The following NAV3 variants were observed in gnomAD, a reference collection of about 807,000 sequenced individuals.
The protein encoded by NAV3 is pore membrane and/or filament interacting like protein 1.
A neutral mutation model predicts 244.7 loss-of-function variants in NAV3; 87 were observed. That is an observed-to-expected ratio of 0.36 (90% CI 0.30 to 0.42). The LOEUF is 0.42. Ranked by LOEUF, NAV3 falls within the 20% of genes least tolerant of loss-of-function variation. The pLI is 1.00. For synonymous variants in NAV3, 1,126 were observed against 1,042.2 expected (o/e 1.08, Z -1.55); for missense variants, 2,663 against 2,893.3 (o/e 0.92, Z 1.83).
rs576967173 is a variant in NAV3, at chr12:77,989,274, G to A, written c.672-5529G>A. On this transcript the variant is annotated intron_variant, in intron 5 of 39. Transcript: ENST00000397909. ...AAGAGTAGTAGAAGGACATAAAAAC[G>A]GGATGGCAGTAATACTATAATTAGA... 4.6e-5 allele frequency among the ~76,000 whole-genome samples: 7 copies of A among 152,190 alleles called. No homozygotes were observed. In the East Asian group the frequency reaches 1.2e-3, roughly 25 times the overall value.
chr12:77,980,097 C>T lies in NAV3; in HGVS notation c.671+11395C>T, dbSNP rs75788328. Reference sequence around the variant, plus strand: ...CAATCATGACAGATGAGGGGCTTGGCGTCTTATTGTCCAGATATAATTATC... The same window carrying T: ...CAATCATGACAGATGAGGGGCTTGGTGTCTTATTGTCCAGATATAATTATC... On this transcript the variant is annotated intron_variant, in intron 5 of 39. Transcript: ENST00000397909. Among the ~76,000 whole-genome samples the T allele has an allele frequency of 6.8e-4, 103 of 152,192 alleles. 1 individual carries two copies. The East Asian group carries it at 0.015, about 22-fold the overall frequency.
At chr12:77,885,258 A>G (rs1883146718) in intron 1 of NAV3, among the ~76,000 whole-genome samples, 1 of 152,118 alleles carries the variant, frequency 6.6e-6, no homozygotes, top group Non-Finnish European at 1.5e-5. Context: ...TCACAGAGTC[A>G]CAGAGATGGA....
intron 3 of NAV3, among the ~76,000 whole-genome samples, chr12:77,959,237 G>C (rs374814040): frequency 5.1e-4 from 77 of 152,178 alleles, no homozygotes; most frequent in African/African-American, 1.7e-3. Context: ...CTGACATTCT[G>C]ATTAAACTTT....
intron 1 of NAV3, among the ~76,000 whole-genome samples, chr12:77,890,730 A>C (rs1883833910): frequency 6.6e-6 from 1 of 152,236 alleles, no homozygotes; most frequent in Admixed American, 6.5e-5. Context: ...TAGAATTTAA[A>C]GTATGTAGAT....
chr12:78,154,325 T>TAAATA (rs1039342836), intron 22 of NAV3, among the ~76,000 whole-genome samples: 1 of 71,710 alleles, frequency 1.4e-5, no homozygotes, highest in African/African-American at 4.6e-5. Flanking sequence ...ATATATATAG[T>TAAATA]ATATATTATA....
chr12:77,661,126 C>T (rs1172543673), intron 2 of NAV3, among the ~76,000 whole-genome samples: 1 of 152,174 alleles, frequency 6.6e-6, no homozygotes, highest in East Asian at 1.9e-4. Flanking sequence ...GACTAGAATG[C>T]TAAGTTTGTA....
chr12:78,163,460 A>G (rs1166288879), intron 23 of NAV3, among the ~76,000 whole-genome samples: 1 of 151,960 alleles, frequency 6.6e-6, no homozygotes, highest in Non-Finnish European at 1.5e-5. Context: ...CTCAAAGGAA[A>G]CATCTGCAGA....
intron 1 of NAV3, among the ~76,000 whole-genome samples, chr12:77,870,290 A>G (rs770153): frequency 0.61 from 91,791 of 149,902 alleles, 28,639 homozygotes; most frequent in South Asian, 0.8. Flanking sequence ...GCTTGAAACC[A>G]GGAGGCAGAG....
intron 2 of NAV3, among the ~76,000 whole-genome samples, chr12:77,648,136 C>A (rs542925232): frequency 2.6e-5 from 4 of 152,172 alleles, no homozygotes; most frequent in East Asian, 1.9e-4. Flanking sequence ...TTGAATATTT[C>A]AACTTTGTCC....
At chr12:78,028,204 G>C (rs1392085700) in intron 9 of NAV3, among the ~76,000 whole-genome samples, 1 of 152,076 alleles carries the variant, frequency 6.6e-6, no homozygotes, top group East Asian at 1.9e-4. Context: ...TTGAAAGAGT[G>C]GATCCATCAG....
chr12:78,071,450 A>G (rs560340612), intron 12 of NAV3, among the ~76,000 whole-genome samples: 7 of 151,898 alleles, frequency 4.6e-5, no homozygotes, highest in Admixed American at 2.6e-4. Context: ...GATTCTGGAT[A>G]TTAGCCCTTT....
At chr12:77,759,341 C>G (rs1030220998) in intron 2 of NAV3, among the ~76,000 whole-genome samples, 1 of 152,084 alleles carries the variant, frequency 6.6e-6, no homozygotes, top group Non-Finnish European at 1.5e-5. Context: ...AAATGGGGTA[C>G]AGAAGTATTA....
intron 2 of NAV3, among the ~76,000 whole-genome samples, chr12:77,671,278 GAAAACCCT>G (rs1873960134): frequency 6.6e-6 from 1 of 151,932 alleles, no homozygotes; most frequent in South Asian, 2.1e-4. Flanking sequence ...CCTCTACAAG[GAAAACCCT>G]GCTGGAAGAA....
intron 6 of NAV3, among the ~76,000 whole-genome samples, chr12:77,997,772 C>T (rs577037801): frequency 3.9e-5 from 6 of 152,312 alleles, no homozygotes; most frequent in African/African-American, 1.4e-4. Context: ...TATAATTTAA[C>T]TCATGACCTG....
chr12:77,940,327 T>C lies in NAV3; in HGVS notation c.252T>C (p.Thr84=). ...AKEKEDSKIY[T]DWANHYLAKS... is the part of the protein sequence containing the mutation. ...TTCTCTCTGTTCAACAGATTTACACTGACTGGGCCAACCACTACCTAGCAA... is the reference window on the plus strand; with the variant it reads ...TTCTCTCTGTTCAACAGATTTACACCGACTGGGCCAACCACTACCTAGCAA... The change falls in exon 2 of 40, where the codon ACT becomes ACC. Residue 84 remains threonine, a synonymous_variant. Coordinates refer to ENST00000397909, the MANE Select transcript of NAV3 (RefSeq NM_001024383.2). The C allele has an allele frequency of 6.2e-7, 1 of 1,613,322 alleles. No homozygotes were observed. The highest frequency in any genetic ancestry group is 8.5e-7 in the Non-Finnish European group (1 of 1,179,570).
chr12:77,697,505 G>A (rs959449538), intron 2 of NAV3, among the ~76,000 whole-genome samples: 4 of 152,108 alleles, frequency 2.6e-5, no homozygotes, highest in African/African-American at 9.7e-5. Flanking sequence ...CTGTTTGTGT[G>A]AGCTTTTTTG....
chr12:77,622,560 T>TA (rs1555187275), intron 2 of NAV3, among the ~76,000 whole-genome samples: 7 of 142,410 alleles, frequency 4.9e-5, no homozygotes, highest in South Asian at 4.4e-4. Context: ...TTTTTTTTTT[T>TA]ACTGGAAGTT....
chr12:77,755,190 T>A (rs1015540986), intron 2 of NAV3, among the ~76,000 whole-genome samples: 2 of 152,164 alleles, frequency 1.3e-5, no homozygotes, highest in Admixed American at 1.3e-4. Context: ...TGCTTACTGT[T>A]TTTTTAATCT....
At chr12:77,824,893 A>C (rs1430271998) in intron 2 of NAV3, among the ~76,000 whole-genome samples, 3 of 99,680 alleles carry the variant, frequency 3.0e-5, no homozygotes, top group Non-Finnish European at 6.2e-5. Context: ...CTCCGTCTCA[A>C]AAACAACAAC....
Sources: allele counts gnomAD v4.1 joint callset (sites outside exome capture counted in the v4.1 genomes callset), GRCh38; gene constraint gnomAD v4.1.1; transcripts MANE v1.5; gene names NCBI Gene and HGNC (gene_info 2026-07-23, HGNC 2026-07-21).